The following ASTN2 variants were observed in gnomAD, a reference collection of about 807,000 sequenced individuals.
ASTN2 encodes the protein astrotactin-2.
In ASTN2, 54 loss-of-function variants were observed where a neutral mutation model predicts 139.8. The observed-to-expected ratio is 0.39, with a 90% CI of 0.31 to 0.48. The LOEUF (loss-of-function observed/expected upper bound fraction) is 0.48, where lower values mean the gene tolerates loss of function less well. Among genes scored for constraint, ASTN2 ranks in the 20% least tolerant of loss-of-function variants. The pLI is 0.95. For missense variants in ASTN2, 1,565 were observed against 1,725.1 expected, an observed-to-expected ratio of 0.91 and a Z score of 1.64; for synonymous variants, 756 against 719.5, an observed-to-expected ratio of 1.05 and a Z score of -0.81.
In ASTN2 at chr9:117,016,066, A is replaced by G. The variant is rs184830784; in HGVS notation, c.1424-7807T>C. Among the ~76,000 whole-genome samples, 361 of 152,252 alleles carry G rather than the reference A, an allele frequency of 2.4e-3. 6 individuals carry two copies. The highest frequency in any genetic ancestry group is 0.019 in the Admixed American group (294 of 15,280). On this transcript the variant is annotated intron_variant, in intron 6 of 22. Coordinates refer to ENST00000313400, the MANE Select transcript of ASTN2 (RefSeq NM_001365068.1). ...TTTATATACTATGCTTTCACTGTACATAGATTAAATATTTTCACTCCCTCC... is the reference window on the plus strand; with the variant it reads ...TTTATATACTATGCTTTCACTGTACGTAGATTAAATATTTTCACTCCCTCC...
chr9:116,981,760 C>T (rs923997829), intron 7 of ASTN2, among the ~76,000 whole-genome samples: 1 of 152,126 alleles, frequency 6.6e-6, no homozygotes, highest in African/African-American at 2.4e-5. Flanking sequence ...ATTATTTAAA[C>T]AGTAAAATGA....
chr9:116,482,768 T>A (rs1427835119), intron 20 of ASTN2, among the ~76,000 whole-genome samples: 1 of 152,216 alleles, frequency 6.6e-6, no homozygotes, highest in Admixed American at 6.5e-5. Context: ...TAAGCCTCTG[T>A]TCCCACCATG....
intron 16 of ASTN2, chr9:116,686,929 C>T: frequency 6.7e-7 from 1 of 1,494,256 alleles, no homozygotes; most frequent in Non-Finnish European, 8.9e-7. Flanking sequence ...TTCCGTTGGC[C>T]CATTTCTCAG....
intron 19 of ASTN2, among the ~76,000 whole-genome samples, chr9:116,588,220 C>T (rs1272603850): frequency 6.6e-6 from 1 of 152,328 alleles, no homozygotes; most frequent in East Asian, 1.9e-4. Context: ...AAAAATTCAG[C>T]TCTGCTTAAG....
chr9:116,706,493 T>G (rs763426481), intron 16 of ASTN2, among the ~76,000 whole-genome samples: 1 of 152,096 alleles, frequency 6.6e-6, no homozygotes, highest in African/African-American at 2.4e-5. Context: ...TCCTCTACTT[T>G]CCCTGCTCAA....
At chr9:117,285,549 G>A (rs1335588151) in intron 2 of ASTN2, among the ~76,000 whole-genome samples, 1 of 152,096 alleles carries the variant, frequency 6.6e-6, no homozygotes, top group Non-Finnish European at 1.5e-5. Flanking sequence ...AGATTTGTGT[G>A]ACATTTTATA....
chr9:116,787,808 T>C (rs528429541), intron 13 of ASTN2, among the ~76,000 whole-genome samples: 5 of 152,206 alleles, frequency 3.3e-5, no homozygotes, highest in African/African-American at 9.6e-5. Flanking sequence ...GGACATCAGA[T>C]AAAAACTAAG....
rs572550294 is a variant in ASTN2 at position 116,537,070 on chromosome 9, C to T, written c.3356-49570G>A. Among the ~76,000 whole-genome samples the T allele has an allele frequency of 5.9e-5, 9 of 152,306 alleles. No homozygotes were observed. In the South Asian group the frequency reaches 1.9e-3, roughly 32 times the overall value. Reference sequence around the variant, plus strand: ...CTCAGCAATGGTGGGCGCCCCTCCCCCAGCCTTGCTGCTGCCTTGCAGTTC... The same window carrying T: ...CTCAGCAATGGTGGGCGCCCCTCCCTCAGCCTTGCTGCTGCCTTGCAGTTC... On this transcript the variant is annotated intron_variant, in intron 19 of 22. Coordinates refer to ENST00000313400, the MANE Select transcript of ASTN2 (RefSeq NM_001365068.1).
intron 17 of ASTN2, among the ~76,000 whole-genome samples, chr9:116,623,147 C>CTGTGTGTGTGTGTG (rs10527124): frequency 7.3e-6 from 1 of 137,092 alleles, no homozygotes; most frequent in Non-Finnish European, 1.6e-5. Context: ...AGAGCATACT[C>CTGTGTGTGTGTGTG]TGTGTGTGTG....
At chr9:117,045,454 G>A (rs1457380121) in intron 5 of ASTN2, among the ~76,000 whole-genome samples, 1 of 151,946 alleles carries the variant, frequency 6.6e-6, no homozygotes, top group Non-Finnish European at 1.5e-5. Flanking sequence ...ATTGATTGCT[G>A]GGACTGGAGA....
rs186496652 is a variant in ASTN2, at chr9:117,278,716, C to T, written c.630+12610G>A. 2.3e-3 allele frequency among the ~76,000 whole-genome samples: 349 copies of T among 152,242 alleles called. 3 individuals carry two copies. Among genetic ancestry groups the T allele is most frequent in the South Asian group, 0.021 (100 of 4,818 alleles). On this transcript the variant is annotated intron_variant, in intron 2 of 22. Coordinates refer to ENST00000313400, the MANE Select transcript of ASTN2 (RefSeq NM_001365068.1). ...GTGTTATTTTGCTATTAAAGACGCCCTTGAGCTGGGAACATTAGCAGCCGA... is the reference window on the plus strand; with the variant it reads ...GTGTTATTTTGCTATTAAAGACGCCTTTGAGCTGGGAACATTAGCAGCCGA...
At chr9:117,180,643 T>A in intron 3 of ASTN2, 1 of 1,400,126 alleles carries the variant, frequency 7.1e-7, no homozygotes, top group East Asian at 2.5e-5. Flanking sequence ...TTTTTTTTTT[T>A]TGGACAGGAA....
chr9:116,623,790 C>A (rs531191379), intron 17 of ASTN2, among the ~76,000 whole-genome samples: 1 of 152,236 alleles, frequency 6.6e-6, no homozygotes, highest in African/African-American at 2.4e-5. Context: ...TGAACTAAAG[C>A]CCATTTGAAT....
chr9:117,339,676 G>T (rs186409035), intron 1 of ASTN2, among the ~76,000 whole-genome samples: 2 of 152,168 alleles, frequency 1.3e-5, no homozygotes, highest in African/African-American at 4.8e-5. Context: ...AATGAAACCT[G>T]ACACTAACTG....
In ASTN2 at chr9:117,071,973, G is replaced by C. The variant is rs148732656; in HGVS notation, c.1276+24071C>G. ...GAAATGCAGAAATCACCCGTCTTCT[G>C]AGTCAGTCACGCTGGGAGCTGAGAC... On this transcript the variant is annotated intron_variant, in intron 5 of 22. Transcript: ENST00000313400. Among the ~76,000 whole-genome samples, 643 of 152,262 alleles carry C rather than the reference G, an allele frequency of 4.2e-3. 4 individuals carry two copies. The highest frequency in any genetic ancestry group is 0.015 in the African/African-American group (620 of 41,568).
At chr9:117,245,193 A>G (rs1833343008) in intron 2 of ASTN2, among the ~76,000 whole-genome samples, 1 of 152,154 alleles carries the variant, frequency 6.6e-6, no homozygotes, top group Non-Finnish European at 1.5e-5. Flanking sequence ...GTCTGTTCTG[A>G]AAGACGAATG....
intron 19 of ASTN2, chr9:116,585,966 T>G (rs1486017718): frequency 6.6e-6 from 1 of 151,376 alleles, no homozygotes; most frequent in African/African-American, 2.4e-5. Flanking sequence ...AACAAATAAC[T>G]CCAATAAAAA....
chr9:117,294,994 C>T (rs1448357321), intron 1 of ASTN2, among the ~76,000 whole-genome samples: 1 of 152,264 alleles, frequency 6.6e-6, no homozygotes, highest in Non-Finnish European at 1.5e-5. Flanking sequence ...TTATTATATC[C>T]CTTTTACAAA....
chr9:116,628,337 C>T (rs1340840513), intron 17 of ASTN2, among the ~76,000 whole-genome samples: 2 of 152,164 alleles, frequency 1.3e-5, no homozygotes, highest in Non-Finnish European at 2.9e-5. Flanking sequence ...TACTGTGTGA[C>T]CTCAGTAAGT....
Sources: allele counts gnomAD v4.1 joint callset (sites outside exome capture counted in the v4.1 genomes callset), GRCh38; gene constraint gnomAD v4.1.1; transcripts MANE v1.5; gene names NCBI Gene and HGNC (gene_info 2026-07-23, HGNC 2026-07-21).